The following PCNX2 variants were observed in gnomAD, a reference collection of about 807,000 sequenced individuals.
The protein encoded by PCNX2 is pecanex-like protein 2.
In PCNX2, 168 loss-of-function variants were observed where a neutral mutation model predicts 223.8. The observed-to-expected ratio is 0.75, with a 90% CI of 0.66 to 0.85. PCNX2 has a LOEUF of 0.85. PCNX2 is among the 40% of genes least tolerant of loss of function. The probability of loss-of-function intolerance (pLI) is 0.00; values close to 1 mark genes in which losing one functional copy is unlikely to be tolerated. For missense variants in PCNX2, 2,507 were observed against 2,675.5 expected (o/e 0.94, Z 1.39); for synonymous variants, 1,006 against 1,052.6 (o/e 0.96, Z 0.86).
intron 17 of PCNX2, among the ~76,000 whole-genome samples, chr1:233,172,778 C>T (rs933226052): frequency 2.0e-5 from 3 of 152,186 alleles, no homozygotes; most frequent in African/African-American, 7.2e-5. Context: ...TTGTTACATT[C>T]AGGAAGAGTT....
At chr1:233,005,269 G>A (rs1670240682) in intron 28 of PCNX2, among the ~76,000 whole-genome samples, 1 of 152,158 alleles carries the variant, frequency 6.6e-6, no homozygotes, top group Non-Finnish European at 1.5e-5. Context: ...TGGGGATAGT[G>A]GAAAAGGAAG....
intron 25 of PCNX2, among the ~76,000 whole-genome samples, chr1:233,050,715 C>T (rs1572048261): frequency 6.6e-6 from 1 of 151,822 alleles, no homozygotes; most frequent in South Asian, 2.1e-4. Flanking sequence ...TGTAAGACCT[C>T]AAACTATAGG....
At chr1:233,082,867 A>G (rs1371699571) in intron 23 of PCNX2, among the ~76,000 whole-genome samples, 2 of 152,354 alleles carry the variant, frequency 1.3e-5, no homozygotes, top group African/African-American at 4.8e-5. Flanking sequence ...AGATGGTGAC[A>G]GGTAATCCCA....
chr1:233,207,176 C>A (rs993260684), intron 13 of PCNX2, among the ~76,000 whole-genome samples: 1 of 151,994 alleles, frequency 6.6e-6, no homozygotes, highest in Non-Finnish European at 1.5e-5. Flanking sequence ...GGAAGAGGAA[C>A]GGGAAGCCAG....
intron 17 of PCNX2, among the ~76,000 whole-genome samples, chr1:233,163,892 T>G (rs574189733): frequency 1.6e-3 from 250 of 152,282 alleles, no homozygotes; most frequent in African/African-American, 5.8e-3. Flanking sequence ...CATTGCTGAG[T>G]AGTATTCCTC....
chr1:233,057,886 T>C (rs2102881102), intron 23 of PCNX2: 1 of 983,616 alleles, frequency 1.0e-6, no homozygotes, highest in East Asian at 1.1e-4. Flanking sequence ...AAACTGCCAA[T>C]GTAATGCTAC....
At chr1:232,995,943 C>T (rs930418443) in intron 32 of PCNX2, among the ~76,000 whole-genome samples, 7 of 152,080 alleles carry the variant, frequency 4.6e-5, no homozygotes, top group Non-Finnish European at 7.4e-5. Flanking sequence ...CTGCTACCTC[C>T]GCCTCCTGGG....
chr1:233,309,605 C>T, the PCNX2 span, among the ~76,000 whole-genome samples: 1 of 151,384 alleles, frequency 6.6e-6, no homozygotes, highest in Non-Finnish European at 1.5e-5. Context: ...TAGCCAGGCA[C>T]AGTGGCTCAT....
At chr1:233,293,921 CTG>C in intron 1 of PCNX2, 1 of 973,586 alleles carries the variant, frequency 1.0e-6, no homozygotes, top group Non-Finnish European at 1.2e-6. Context: ...AGAGAAACCA[CTG>C]GGGCCCATAG....
At chr1:233,186,220 C>T (rs1409655377) in intron 15 of PCNX2, among the ~76,000 whole-genome samples, 8 of 152,020 alleles carry the variant, frequency 5.3e-5, no homozygotes, top group African/African-American at 9.7e-5. Context: ...ATTTTTTTAT[C>T]GCATTAAACA....
chr1:233,293,614 A>G (rs1456857044), intron 1 of PCNX2, among the ~76,000 whole-genome samples: 3 of 152,256 alleles, frequency 2.0e-5, no homozygotes, highest in African/African-American at 7.2e-5. Context: ...AATTAATTCT[A>G]GCTAAATCAG....
At chr1:233,327,273 G>C in the PCNX2 span, among the ~76,000 whole-genome samples, 1 of 151,942 alleles carries the variant, frequency 6.6e-6, no homozygotes, top group Admixed American at 6.6e-5. Flanking sequence ...AGCGGATGAC[G>C]GCCGATCCCG....
intron 10 of PCNX2, among the ~76,000 whole-genome samples, chr1:233,225,386 C>T (rs1441835802): frequency 6.6e-6 from 1 of 152,066 alleles, no homozygotes; most frequent in Non-Finnish European, 1.5e-5. Flanking sequence ...GAAACGGACG[C>T]ACTGGAAGGT....
chr1:233,258,885 G>A lies in PCNX2; in HGVS notation c.977C>T (p.Pro326Leu), dbSNP rs1572164987. 2 of 1,613,880 alleles carry A rather than the reference G, an allele frequency of 1.2e-6. No individual in the cohort carries two copies. Among genetic ancestry groups the A allele is most frequent in the East Asian group, 4.5e-5 (2 of 44,856 alleles). ...DTIVAKPVEE[P>L]ADTSCQVDTS... is the part of the protein sequence containing the mutation. ...ATCTACCTGACAGGATGTGTCTGCT[G>A]GCTCCTCCACAGGCTTGGCCACGAT... Residue 326 changes from proline (P) to leucine (L), a missense_variant, in exon 5 of 34, where the codon CCA (proline) becomes CTA (leucine). Pro to Leu is a moderately conservative substitution (Grantham distance 98, BLOSUM62 -3). Coordinates refer to ENST00000258229, the MANE Select transcript of PCNX2 (RefSeq NM_014801.4).
chr1:233,068,096 G>A (rs984454599), intron 23 of PCNX2, among the ~76,000 whole-genome samples: 1 of 152,170 alleles, frequency 6.6e-6, no homozygotes, highest in African/African-American at 2.4e-5. Flanking sequence ...ATCTAAAAAG[G>A]AAAAATTCTG....
At chr1:233,170,272 C>T (rs1192660956) in intron 17 of PCNX2, among the ~76,000 whole-genome samples, 1 of 152,152 alleles carries the variant, frequency 6.6e-6, no homozygotes, top group African/African-American at 2.4e-5. Flanking sequence ...ACCAGCAATA[C>T]ATGAGAATTC....
intron 15 of PCNX2, among the ~76,000 whole-genome samples, chr1:233,189,604 A>G (rs1281270439): frequency 6.6e-6 from 1 of 152,138 alleles, no homozygotes; most frequent in African/African-American, 2.4e-5. Flanking sequence ...TACATTTACA[A>G]TTAGATTTTA....
In PCNX2 at chr1:233,241,302, A is replaced by G. The variant is rs1658749178; in HGVS notation, c.2223-4322T>C. ...CAGCAGTGGCTGTTGCCACCGGAAC[A>G]GAACCACACTGAGCGGCAGGGCCAA... On this transcript the variant is annotated intron_variant, in intron 8 of 33. Transcript: ENST00000258229. 1.0e-5 allele frequency: 10 copies of G among 985,360 alleles called. 1 individual carries two copies. The South Asian group carries it at 3.3e-4, about 32-fold the overall frequency. The allele number at this position is 985,360 out of a possible 1,614,324, so 61.0% of individuals were successfully genotyped here. A position where few individuals can be genotyped will look rare whatever the true frequency, so the allele number is the denominator to read the frequency against.
chr1:233,021,326 T>G (rs1295733227), intron 26 of PCNX2, among the ~76,000 whole-genome samples: 1 of 152,256 alleles, frequency 6.6e-6, no homozygotes, highest in African/African-American at 2.4e-5. Flanking sequence ...TTCTTGTTTC[T>G]GTGGGGCACA....
Sources: allele counts gnomAD v4.1 joint callset (sites outside exome capture counted in the v4.1 genomes callset), GRCh38; gene constraint gnomAD v4.1.1; transcripts MANE v1.5; gene names NCBI Gene and HGNC (gene_info 2026-07-23, HGNC 2026-07-21).